Variants in ZFHX4 observed in about 807,000 individuals in gnomAD.
ZFHX4 encodes zinc finger homeobox 4.
In ZFHX4, 56 loss-of-function variants were observed where a neutral mutation model predicts 267.6. The ratio of observed to expected loss-of-function variants is 0.21; its 90% CI spans 0.17 to 0.26. ZFHX4 has a LOEUF of 0.26. ZFHX4 is among the 10% of genes least tolerant of loss of function. The pLI is 1.00. For synonymous variants in ZFHX4, 1,778 were observed against 1,665.6 expected (o/e 1.07, Z -1.64); for missense variants, 4,332 against 4,420.0 (o/e 0.98, Z 0.56).
In ZFHX4 at chr8:76,778,328, C is replaced by G. The variant is rs754473338; in HGVS notation, c.3214C>G (p.Gln1072Glu). ...LVQHVRSVKH[Q>E]QTEGLRKLQL... ...ACAACATGTCCGTTCGGTGAAGCAT[C>G]AGCAGACTGAGGGCCTACGGAAGCT... The change falls in exon 4 of 11, where the codon CAG becomes GAG. Residue 1072 changes from glutamine (Q) to glutamate (E), a missense_variant. By Grantham distance (29) the Gln-to-Glu change is conservative. Around this residue, in one of 7 missense-constraint regions of ZFHX4, gnomAD observed 1,371 missense variants for 1,423.1 expected, o/e 0.96. Coordinates refer to ENST00000651372, the MANE Select transcript of ZFHX4 (RefSeq NM_024721.5). 1.7e-5 allele frequency: 27 copies of G among 1,613,722 alleles called. No individual in the cohort carries two copies. Among genetic ancestry groups the G allele is most frequent in the Non-Finnish European group, 2.1e-5 (25 of 1,179,818 alleles).
intron 4 of ZFHX4, among the ~76,000 whole-genome samples, chr8:76,794,505 G>A (rs1178272863): frequency 6.6e-6 from 1 of 152,076 alleles, no homozygotes; most frequent in African/African-American, 2.4e-5. Flanking sequence ...TCCCCCTGTT[G>A]TTAAGTTACA....
At chr8:76,694,454 C>A (rs908898669) in intron 1 of ZFHX4, among the ~76,000 whole-genome samples, 1 of 152,118 alleles carries the variant, frequency 6.6e-6, no homozygotes. Context: ...GGTTGGCCTG[C>A]CAATTGGTAA....
At chr8:76,749,280 C>T (rs1809552200) in intron 3 of ZFHX4, among the ~76,000 whole-genome samples, 1 of 152,148 alleles carries the variant, frequency 6.6e-6, no homozygotes, top group African/African-American at 2.4e-5. Context: ...GGTTTCCTGT[C>T]CCAGCTGTCT....
chr8:76,727,389 A>G (rs1209052295), intron 3 of ZFHX4, among the ~76,000 whole-genome samples: 1 of 152,222 alleles, frequency 6.6e-6, no homozygotes, highest in African/African-American at 2.4e-5. Flanking sequence ...CTCAACAAAA[A>G]CATAATAATA....
intron 7 of ZFHX4, 55 bp from the exon 8 acceptor site, chr8:76,849,457 A>G (rs1812452196): frequency 6.7e-7 from 1 of 1,488,914 alleles, no homozygotes; most frequent in South Asian, 1.1e-5. Context: ...ACTACTATGT[A>G]TCAAATAAGA....
chr8:76,684,115 G>A (rs771775388), intron 1 of ZFHX4, among the ~76,000 whole-genome samples: 7 of 151,826 alleles, frequency 4.6e-5, no homozygotes, highest in Non-Finnish European at 8.8e-5. Flanking sequence ...TTGCTGAAAA[G>A]GGTGGTTTAA....
At chr8:76,824,427 T>TC (rs1379509014) in intron 4 of ZFHX4, among the ~76,000 whole-genome samples, 2 of 152,286 alleles carry the variant, frequency 1.3e-5, no homozygotes, top group Admixed American at 1.3e-4. Flanking sequence ...ATCAAGTTTT[T>TC]CTCTTACCAG....
chr8:76,739,996 A>G (rs1467949229), intron 3 of ZFHX4, among the ~76,000 whole-genome samples: 3 of 152,286 alleles, frequency 2.0e-5, no homozygotes, highest in Admixed American at 6.5e-5. Flanking sequence ...AATGAAAACT[A>G]TTTGGGTTGC....
At chr8:76,834,087 AAT>A (rs747908914) in intron 5 of ZFHX4, 107 of 426,768 alleles carry the variant, frequency 2.5e-4, no homozygotes, top group South Asian at 4.9e-4. Context: ...AGTGCTGAAT[AAT>A]ATATATATAT....
At chr8:76,844,082 C>T (rs1021725955) in intron 6 of ZFHX4, among the ~76,000 whole-genome samples, 1 of 152,178 alleles carries the variant, frequency 6.6e-6, no homozygotes, top group Non-Finnish European at 1.5e-5. Context: ...TATTAGTAAG[C>T]TGGCTCCTGA....
At chr8:76,833,791 A>C (rs1475051472) in intron 5 of ZFHX4, among the ~76,000 whole-genome samples, 1 of 152,094 alleles carries the variant, frequency 6.6e-6, no homozygotes, top group African/African-American at 2.4e-5. Context: ...TGTACATTTT[A>C]TGGGTGTGGA....
intron 1 of ZFHX4, among the ~76,000 whole-genome samples, chr8:76,690,593 A>G (rs867648332): frequency 6.6e-6 from 1 of 152,072 alleles, no homozygotes; most frequent in Non-Finnish European, 1.5e-5. Context: ...GAATAATGCA[A>G]TTAATACTTA....
chr8:76,819,152 T>G (rs1811580167), intron 4 of ZFHX4, among the ~76,000 whole-genome samples: 1 of 151,924 alleles, frequency 6.6e-6, no homozygotes, highest in African/African-American at 2.4e-5. Context: ...GTTTTTTTTT[T>G]TTTTTTTTTT....
At position 76,849,436 on chromosome 8, in the gene ZFHX4, C is replaced by T. The variant is rs1387940802; in HGVS notation, c.3646-76C>T. 3.7e-6 allele frequency: 5 copies of T among 1,365,278 alleles called. No individual in the cohort carries two copies. In the East Asian group the frequency reaches 6.9e-5, roughly 19 times the overall value. The allele number at this position is 1,365,278 out of a possible 1,614,324, so 84.6% of individuals were successfully genotyped here. On this transcript the variant is annotated intron_variant, in intron 7 of 10. Transcript: ENST00000651372. The stretch of plus-strand genomic sequence containing the variant: ...CATGTACCAAAATATCACACGTACC[C>T]CCAAAATACAACTACTATGTATCAA...
intron 3 of ZFHX4, among the ~76,000 whole-genome samples, chr8:76,723,021 G>A (rs1000609754): frequency 1.3e-5 from 2 of 152,008 alleles, no homozygotes; most frequent in African/African-American, 2.4e-5. Context: ...AATGTAGCTC[G>A]TAGAAAATAA....
chr8:76,812,498 A>G (rs1376540830), intron 4 of ZFHX4, among the ~76,000 whole-genome samples: 1 of 152,212 alleles, frequency 6.6e-6, no homozygotes, highest in African/African-American at 2.4e-5. Flanking sequence ...AGTATATTTG[A>G]CAAACTTAGG....
intron 3 of ZFHX4, among the ~76,000 whole-genome samples, chr8:76,769,193 T>C (rs1810192878): frequency 6.6e-6 from 1 of 152,164 alleles, no homozygotes; most frequent in African/African-American, 2.4e-5. Context: ...GCAGGGGGAC[T>C]CTGACAAATG....
chr8:76,790,071 A>G (rs1810793927), intron 4 of ZFHX4, among the ~76,000 whole-genome samples: 1 of 152,134 alleles, frequency 6.6e-6, no homozygotes, highest in African/African-American at 2.4e-5. Flanking sequence ...CTATATTTGC[A>G]TATTGAAAAG....
intron 1 of ZFHX4, 88 bp downstream of exon 1, chr8:76,681,708 C>G (rs1807533961): frequency 8.1e-6 from 3 of 369,286 alleles, no homozygotes; most frequent in Non-Finnish European, 9.6e-6. Flanking sequence ...CTTGCACAAT[C>G]TTTGATATTT....
Sources: allele counts gnomAD v4.1 joint callset (sites outside exome capture counted in the v4.1 genomes callset), GRCh38; gene constraint gnomAD v4.1.1; regional missense constraint gnomAD v4.1.1; transcripts MANE v1.5; gene names NCBI Gene and HGNC (gene_info 2026-07-23, HGNC 2026-07-21).